Variants in CRYL1 observed in about 807,000 individuals in gnomAD.
CRYL1 encodes the protein crystallin lambda 1.
A neutral mutation model predicts 36.6 loss-of-function variants in CRYL1; 29 were observed. That is an observed-to-expected ratio of 0.79 (90% CI 0.59 to 1.08). CRYL1 has a LOEUF of 1.08. Ranked by LOEUF, CRYL1 falls within the 50% of genes least tolerant of loss-of-function variation. The probability of loss-of-function intolerance (pLI) is 0.00; values close to 1 mark genes in which losing one functional copy is unlikely to be tolerated. For synonymous variants in CRYL1, 152 were observed against 151.5 expected (o/e 1.00, Z -0.02); for missense variants, 411 against 407.9 (o/e 1.01, Z -0.06).
In CRYL1 at chr13:20,404,162, G is replaced by A. The variant is rs2031301009; in HGVS notation, c.927C>T (p.Leu309=). The A allele has an allele frequency of 4.3e-6, 7 of 1,613,878 alleles. No homozygotes were observed. Among genetic ancestry groups the A allele is most frequent in the African/African-American group, 1.3e-5 (1 of 75,022 alleles). The change falls in exon 8 of 8, where the codon CTC becomes CTT. Residue 309 remains leucine, a synonymous_variant. Coordinates refer to ENST00000298248, the MANE Select transcript of CRYL1 (RefSeq NM_015974.3). The part of the protein sequence containing the change: ...RQWRDECLMR[L]AKLKSQVQPQ Reference sequence around the variant, plus strand: ...GCTGCACTTGACTCTTCAACTTGGCGAGTCTCATGAGGCACTCGTCCCTCC... The same window carrying A: ...GCTGCACTTGACTCTTCAACTTGGCAAGTCTCATGAGGCACTCGTCCCTCC...
intron 3 of CRYL1, among the ~76,000 whole-genome samples, chr13:20,456,414 G>A (rs2137424607): frequency 6.6e-6 from 1 of 150,492 alleles, no homozygotes; most frequent in Middle Eastern, 3.4e-3. Context: ...GGTGGAGGCT[G>A]CAGTGAGCCA....
intron 3 of CRYL1, among the ~76,000 whole-genome samples, chr13:20,478,814 G>A (rs577324866): frequency 6.0e-4 from 91 of 152,038 alleles, no homozygotes; most frequent in African/African-American, 1.9e-3. Context: ...GTGCAGTGGC[G>A]CGATCTTGGC....
chr13:20,509,344 T>C (rs984117976), intron 2 of CRYL1, among the ~76,000 whole-genome samples: 1 of 152,044 alleles, frequency 6.6e-6, no homozygotes, highest in Non-Finnish European at 1.5e-5. Context: ...CTATTTTTAC[T>C]GAGGCTTAAA....
chr13:20,469,095 T>C (rs112562369), intron 3 of CRYL1, among the ~76,000 whole-genome samples: 89 of 152,324 alleles, frequency 5.8e-4, no homozygotes, highest in African/African-American at 1.8e-3. Flanking sequence ...GTGTCTACCA[T>C]AGATACGACC....
chr13:20,510,732 C>T (rs1474220568), intron 2 of CRYL1, among the ~76,000 whole-genome samples: 2 of 151,620 alleles, frequency 1.3e-5, no homozygotes, highest in Admixed American at 6.6e-5. Flanking sequence ...CATGTCTCAG[C>T]CTCTCGAGTA....
rs920698866 is a variant in CRYL1 at position 20,525,150 on chromosome 13, C to T, written c.41+604G>A. 9.2e-5 allele frequency among the ~76,000 whole-genome samples: 14 copies of T among 152,242 alleles called. No homozygotes were observed. The highest frequency in any genetic ancestry group is 3.4e-3 in the Middle Eastern group (1 of 294). ...CTCTCTGGGCTCCATCGGCCCCCAC[C>T]TCCCCTCTGGAAACATCGCCTCGCC... On this transcript the variant is annotated intron_variant, in intron 1 of 7. Coordinates refer to ENST00000298248, the MANE Select transcript of CRYL1 (RefSeq NM_015974.3). This position sits in a 1 kb window ranked among gnomAD's most constrained non-coding sequence, Gnocchi z 4.3.
chr13:20,505,359 C>CAAAAAAAAAAAAAAAAAAAAAAA lies in CRYL1; in HGVS notation c.149+7061_149+7083dup, dbSNP rs61380702. ...GCAACAAAGTGAGACTCTATCCCAC[C>CAAAAAAAAAAAAAAAAAAAAAAA]AAAAAAAAAAAAAAAAAAAAAAATC... On this transcript the variant is annotated intron_variant, in intron 2 of 7. Coordinates refer to ENST00000298248, the MANE Select transcript of CRYL1 (RefSeq NM_015974.3). 1.1e-3 allele frequency among the ~76,000 whole-genome samples: 100 copies of CAAAAAAAAAAAAAAAAAAAAAAA among 91,198 alleles called. 3 individuals are homozygous for CAAAAAAAAAAAAAAAAAAAAAAA. Among genetic ancestry groups the CAAAAAAAAAAAAAAAAAAAAAAA allele is most frequent in the Non-Finnish European group, 1.5e-3 (67 of 43,632 alleles). The allele number at this position is 91,198 out of a possible 152,430, so 59.8% of individuals were successfully genotyped here.
intron 3 of CRYL1, among the ~76,000 whole-genome samples, chr13:20,483,847 T>G (rs1330095830): frequency 6.6e-6 from 1 of 151,028 alleles, no homozygotes; most frequent in Admixed American, 6.6e-5. Context: ...AGCCCTCTTC[T>G]CGCTCTGTCG....
chr13:20,493,869 A>G (rs1324615845), intron 2 of CRYL1, among the ~76,000 whole-genome samples: 1 of 152,220 alleles, frequency 6.6e-6, no homozygotes, highest in Non-Finnish European at 1.5e-5. Context: ...GCTGACTATC[A>G]GAGGCTCAGG....
intron 6 of CRYL1, among the ~76,000 whole-genome samples, chr13:20,405,430 A>C (rs1205322338): frequency 6.6e-6 from 1 of 152,228 alleles, no homozygotes; most frequent in Non-Finnish European, 1.5e-5. Context: ...ATGGGTGTAC[A>C]AGGTTATTTG....
intron 6 of CRYL1, among the ~76,000 whole-genome samples, chr13:20,408,449 C>T (rs930413109): frequency 1.3e-5 from 2 of 152,168 alleles, no homozygotes; most frequent in Non-Finnish European, 2.9e-5. Context: ...TCAAGTGGAA[C>T]AAAATGCAGG....
chr13:20,477,026 TGGCGGG>T (rs1195741268), intron 3 of CRYL1: 1 of 152,324 alleles, frequency 6.6e-6, no homozygotes, highest in Non-Finnish European at 1.5e-5. Flanking sequence ...CCGGGCGTGG[TGGCGGG>T]CGCCTGTAGT....
intron 3 of CRYL1, among the ~76,000 whole-genome samples, chr13:20,451,349 A>C (rs980577209): frequency 6.6e-6 from 1 of 152,172 alleles, no homozygotes; most frequent in African/African-American, 2.4e-5. Flanking sequence ...ACAGCGTAAA[A>C]AGACAACCTA....
At chr13:20,416,180 C>T (rs1263416840) in intron 5 of CRYL1, among the ~76,000 whole-genome samples, 4 of 152,210 alleles carry the variant, frequency 2.6e-5, no homozygotes. Flanking sequence ...AATGGTATCT[C>T]ACCAGGTTTC....
chr13:20,499,374 C>T (rs539683533), intron 2 of CRYL1, among the ~76,000 whole-genome samples: 18 of 142,674 alleles, frequency 1.3e-4, no homozygotes, highest in Admixed American at 2.2e-4. Flanking sequence ...TGTGGCCGGG[C>T]GCAGTGGCTC....
rs1226928039 is a variant in CRYL1 at position 20,512,546 on chromosome 13, C to T, written c.46G>A (p.Val16Ile). The T allele has an allele frequency of 6.2e-7, 1 of 1,612,070 alleles. No individual in the cohort carries two copies. The highest frequency in any genetic ancestry group is 2.2e-5 in the East Asian group (1 of 44,870). Residue 16 changes from valine (V) to isoleucine (I), a missense_variant, in exon 2 of 8, where the codon GTC becomes ATC. By Grantham distance (29) the Val-to-Ile change is conservative (BLOSUM62 3). Transcript: ENST00000298248. ...AGCVVIVGSG[V>I]IGRSWAMLFA... ...AGCATGGCCCAGCTTCGCCCAATGA[C>T]TCCACTGAAGGGAGATAAAAGAAAG...
chr13:20,513,827 G>T (rs962226912), intron 1 of CRYL1: 1 of 150,792 alleles, frequency 6.6e-6, no homozygotes, highest in African/African-American at 2.4e-5. Flanking sequence ...ACTCCCTGGA[G>T]AAATGGCTAA....
intron 3 of CRYL1, 66 bp from the exon 4 acceptor site, chr13:20,439,820 A>T (rs867867821): frequency 1.4e-6 from 2 of 1,460,804 alleles, no homozygotes; most frequent in African/African-American, 2.8e-5. Context: ...AAAGCATTTC[A>T]TGTTTGTTTC....
At chr13:20,431,797 G>A (rs2032066498) in intron 5 of CRYL1, 1 of 1,294,474 alleles carries the variant, frequency 7.7e-7, no homozygotes, top group Non-Finnish European at 9.9e-7. Flanking sequence ...AATGCAGTGG[G>A]CCACATAGGT....
Sources: allele counts gnomAD v4.1 joint callset (sites outside exome capture counted in the v4.1 genomes callset), GRCh38; gene constraint gnomAD v4.1.1; non-coding constraint Gnocchi (gnomAD v3.1); transcripts MANE v1.5; gene names NCBI Gene and HGNC (gene_info 2026-07-23, HGNC 2026-07-21).